The following ZNF641 variants were observed in gnomAD, a reference collection of about 807,000 sequenced individuals.
The protein encoded by ZNF641 is zinc finger protein 641.
Under a neutral mutation model 46.2 loss-of-function variants are expected in ZNF641, and 26 were observed. The observed-to-expected ratio is 0.56, with a 90% CI of 0.41 to 0.78. ZNF641 has a LOEUF of 0.78. Ranked by LOEUF, ZNF641 falls within the 30% of genes least tolerant of loss-of-function variation. ZNF641 has a pLI of 0.00. For synonymous variants in ZNF641, 163 were observed against 187.9 expected (o/e 0.87, Z 1.09); for missense variants, 469 against 517.8 (o/e 0.91, Z 0.91).
In ZNF641 at chr12:48,343,711, A is replaced by G; in HGVS notation, c.537T>C (p.His179=). The G allele has an allele frequency of 6.7e-7, 1 of 1,495,360 alleles. No homozygotes were observed. The highest frequency in any genetic ancestry group is 1.4e-5 in the South Asian group (1 of 72,858). 92.6% of individuals were successfully genotyped at this position (1,495,360 alleles called of 1,614,324 possible). Residue 179 remains histidine (H), a synonymous_variant, in exon 6 of 6, where the codon CAT becomes CAC. Transcript: ENST00000547026. ...RVTYTGDGSE[H]EGDTPELEAE... is the part of the protein sequence containing the mutation. ...CTTCTAGTTCAGGGGTATCCCCCTC[A>G]TGTTCACTTCCATCTCCTGCGGAGA...
At chr12:48,347,378 C>G in intron 2 of ZNF641, 35 bp from the exon 3 acceptor site, 1 of 1,560,802 alleles carries the variant, frequency 6.4e-7, no homozygotes, top group Non-Finnish European at 8.7e-7. Context: ...TAGAGAATAA[C>G]GATCTACCCT....
Position 48,339,812 on chromosome 12 carries a change from A to T in ZNF641, c.*3161T>A. 1 of 557,744 alleles carries T rather than the reference A, an allele frequency of 1.8e-6. No homozygotes were observed. The highest frequency in any genetic ancestry group is 2.3e-6 in the Non-Finnish European group (1 of 438,778). 34.5% of individuals were successfully genotyped at this position (557,744 alleles called of 1,614,324 possible). ...CATAACATTACTTTGACAAGGGAAA[A>T]GTTTTTCCTTCCACAATTAGAACTA... On this transcript the variant is annotated 3_prime_UTR_variant, in exon 6 of 6. Transcript: ENST00000547026.
intron 4 of ZNF641, 96 bp downstream of exon 4, chr12:48,345,247 TAA>T: frequency 7.2e-7 from 1 of 1,380,444 alleles, no homozygotes; most frequent in South Asian, 1.5e-5. Flanking sequence ...CCCTGCCACA[TAA>T]AGAGTCCTAG....
intron 5 of ZNF641, 84 bp downstream of exon 5, chr12:48,344,515 G>C: frequency 1.2e-6 from 1 of 861,644 alleles, no homozygotes; most frequent in Non-Finnish European, 1.9e-6. Context: ...AACTCTCTGA[G>C]GCAGAGGAGG....
Position 48,340,894 on chromosome 12 carries a change from T to C in ZNF641, c.*2079A>G. On this transcript the variant is annotated 3_prime_UTR_variant, in exon 6 of 6. Transcript: ENST00000547026. The stretch of plus-strand genomic sequence containing the variant: ...TCCCTGGGGCATCTCCTAATACTGA[T>C]CCTAAAATGCTCCTGTTTCTGAGAA... The C allele has an allele frequency of 1.0e-6, 1 of 985,430 alleles. No homozygotes were observed. Among genetic ancestry groups the C allele is most frequent in the Non-Finnish European group, 1.2e-6 (1 of 829,938 alleles). 61.0% of individuals were successfully genotyped at this position (985,430 alleles called of 1,614,324 possible). A position where few individuals can be genotyped will look rare whatever the true frequency, so the allele number is the denominator to read the frequency against.
chr12:48,347,089 C>A, intron 3 of ZNF641, 163 bp downstream of exon 3: 2 of 1,285,460 alleles, frequency 1.6e-6, no homozygotes, highest in African/African-American at 1.5e-5. Context: ...TTTAATTTTC[C>A]AAGGGTCTTA....
At chr12:48,335,525 C>G (rs567394703), downstream of ZNF641, among the ~76,000 whole-genome samples, 32 of 152,292 alleles carry the variant, frequency 2.1e-4, no homozygotes, top group South Asian at 3.7e-3. Context: ...TAAGTGCCCA[C>G]CATATGCAAG....
Position 48,337,301 on chromosome 12 carries a change from G to A in ZNF641, c.*5672C>T, listed in dbSNP as rs907541117. 3.3e-5 allele frequency: 5 copies of A among 152,324 alleles called. No homozygotes were observed. Among genetic ancestry groups the A allele is most frequent in the African/African-American group, 1.2e-4 (5 of 41,582 alleles). The allele number at this position is 152,324 out of a possible 1,614,324, so 9.4% of individuals were successfully genotyped here. On this transcript the variant is annotated 3_prime_UTR_variant, in exon 6 of 6. Coordinates refer to ENST00000547026, the MANE Select transcript of ZNF641 (RefSeq NM_001172681.2). ...TCAGATAATAGCTAGAAATCTGATA[G>A]GCACGGAGCAGTTGGGCTGCATGGC...
rs1565989470 is a variant in ZNF641, at chr12:48,343,158, C to A, written c.1090G>T (p.Gly364Trp). The A allele has an allele frequency of 6.2e-7, 1 of 1,614,210 alleles. No individual in the cohort carries two copies. Among genetic ancestry groups the A allele is most frequent in the Non-Finnish European group, 8.5e-7 (1 of 1,180,028 alleles). ...TGGTGCCTTCGGCCAAAGCTCTTCC[C>A]ACATTCAGTGCACACGTGACACTTT... ...VPKCHVCTEC[G>W]KSFGRRHHLV... The change falls in exon 6 of 6, where the codon GGG (glycine) becomes TGG (tryptophan). Residue 364 changes from glycine (G) to tryptophan (W), a missense_variant. By Grantham distance (184) the Gly-to-Trp change is radical (BLOSUM62 -2). Around this residue, in one of 3 missense-constraint regions of ZNF641, gnomAD observed 346 missense variants for 354.0 expected, o/e 0.98. Transcript: ENST00000547026.
At chr12:48,347,210 A>G in intron 3 of ZNF641, 42 bp downstream of exon 3, 1 of 1,613,676 alleles carries the variant, frequency 6.2e-7, no homozygotes, top group South Asian at 1.1e-5. Context: ...CAAAGGCAGC[A>G]GTGATGGGAC....
rs1335528995 is a variant in ZNF641 at position 48,340,713 on chromosome 12, T to C, written c.*2260A>G. The C allele has an allele frequency of 3.0e-6, 3 of 985,370 alleles. No individual in the cohort carries two copies. The African/African-American group carries it at 5.2e-5, about 17-fold the overall frequency. 61.0% of individuals were successfully genotyped at this position (985,370 alleles called of 1,614,324 possible). On this transcript the variant is annotated 3_prime_UTR_variant, in exon 6 of 6. Coordinates refer to ENST00000547026, the MANE Select transcript of ZNF641 (RefSeq NM_001172681.2). ...AACTGAGTGAATTACAAATGTCTTTTTCTCAAAAGTGCGTTTCTGGTTTCT... is the reference window on the plus strand; with the variant it reads ...AACTGAGTGAATTACAAATGTCTTTCTCTCAAAAGTGCGTTTCTGGTTTCT...
chr12:48,335,321 G>T (rs183185091), downstream of ZNF641, among the ~76,000 whole-genome samples: 1 of 152,088 alleles, frequency 6.6e-6, no homozygotes, highest in South Asian at 2.1e-4. Context: ...CTCAGACCTC[G>T]CTAAACAAAG....
downstream of ZNF641, among the ~76,000 whole-genome samples, chr12:48,336,607 G>A (rs959452710): frequency 2.0e-5 from 3 of 152,058 alleles, no homozygotes; most frequent in Admixed American, 6.5e-5. Flanking sequence ...AGTGGCTTCC[G>A]ACCCTACCTC....
At chr12:48,349,917 G>A in intron 1 of ZNF641, 3 of 1,095,266 alleles carry the variant, frequency 2.7e-6, no homozygotes, top group East Asian at 2.4e-5. Flanking sequence ...TCTCCCCCAG[G>A]TAGCAGAGTC....
In ZNF641 at chr12:48,341,849, G is replaced by T. The variant is rs987115688; in HGVS notation, c.*1124C>A. ...CACATCCACAATTGTCTTAATCTCAGCAGTACTGGGAAAGCTTTGTACTCA... is the reference window on the plus strand; with the variant it reads ...CACATCCACAATTGTCTTAATCTCATCAGTACTGGGAAAGCTTTGTACTCA... On this transcript the variant is annotated 3_prime_UTR_variant, in exon 6 of 6. Coordinates refer to ENST00000547026, the MANE Select transcript of ZNF641 (RefSeq NM_001172681.2). The T allele has an allele frequency of 1.3e-5, 13 of 985,430 alleles. No homozygotes were observed. Among genetic ancestry groups the T allele is most frequent in the Non-Finnish European group, 1.6e-5 (13 of 829,928 alleles). The allele number at this position is 985,430 out of a possible 1,614,324, so 61.0% of individuals were successfully genotyped here.
In ZNF641 at chr12:48,341,253, A is replaced by G. The variant is rs1952709407; in HGVS notation, c.*1720T>C. The G allele has an allele frequency of 1.0e-6, 1 of 985,484 alleles. No individual in the cohort carries two copies. 61.0% of individuals were successfully genotyped at this position (985,484 alleles called of 1,614,324 possible). ...TCCACCAATTGTGGTTGAGAAACAC[A>G]TCTTAGGGAAGAAACAGTATCTAAG... is the stretch of plus-strand genomic sequence containing the variant. On this transcript the variant is annotated 3_prime_UTR_variant, in exon 6 of 6. Transcript: ENST00000547026.
At chr12:48,350,346 GT>G (rs1952995881) in intron 1 of ZNF641, 2 of 808,508 alleles carry the variant, frequency 2.5e-6, no homozygotes, top group South Asian at 4.9e-5. Flanking sequence ...CCTGCCACGG[GT>G]AGGGCATGGG....
rs1952753331 is a variant in ZNF641, at chr12:48,342,887, T to C, written c.*86A>G. On this transcript the variant is annotated 3_prime_UTR_variant, in exon 6 of 6. Coordinates refer to ENST00000547026, the MANE Select transcript of ZNF641 (RefSeq NM_001172681.2). ...GGTCAGGGCTTATGATTCTGGCCAC[T>C]GGGGTTCAGGAGAACGGCAGCCCTG... The C allele has an allele frequency of 6.6e-7, 1 of 1,514,244 alleles. No individual in the cohort carries two copies. The highest frequency in any genetic ancestry group is 1.4e-5 in the African/African-American group (1 of 72,000). 93.8% of individuals were successfully genotyped at this position (1,514,244 alleles called of 1,614,324 possible).
intron 1 of ZNF641, chr12:48,350,032 G>A: frequency 6.2e-7 from 1 of 1,614,210 alleles, no homozygotes; most frequent in Non-Finnish European, 8.5e-7. Context: ...CTCAGCAAAG[G>A]ATGGGATGGG....
Sources: gnomAD v4.1 joint callset for allele counts (sites outside exome capture counted in the v4.1 genomes callset) on GRCh38, gnomAD v4.1.1 for gene constraint, gnomAD v4.1.1 regional missense constraint, MANE v1.5 for transcripts, NCBI Gene and HGNC (gene_info 2026-07-23, HGNC 2026-07-21) for gene names.